Variants in ZMYND11 observed in about 807,000 individuals in gnomAD.
The protein encoded by ZMYND11 is zinc finger MYND-type containing 11, also known as zinc finger MYND domain-containing protein 11.
Under a neutral mutation model 84.9 loss-of-function variants are expected in ZMYND11, and 9 were observed. The observed-to-expected ratio is 0.11, with a 90% CI of 0.06 to 0.18. The LOEUF (loss-of-function observed/expected upper bound fraction) is 0.18. Ranked by LOEUF, ZMYND11 falls within the 10% of genes least tolerant of loss-of-function variation. The probability of loss-of-function intolerance (pLI) is 1.00; values close to 1 mark genes in which losing one functional copy is unlikely to be tolerated. For synonymous variants in ZMYND11, 250 were observed against 244.1 expected, an observed-to-expected ratio of 1.02 and a Z score of -0.23; for missense variants, 409 against 761.0, an observed-to-expected ratio of 0.54 and a Z score of 5.44.
chr10:236,565 TAA>T (rs1053000452), intron 4 of ZMYND11, among the ~76,000 whole-genome samples: 1 of 152,184 alleles, frequency 6.6e-6, no homozygotes, highest in Non-Finnish European at 1.5e-5. Flanking sequence ...ATCTAAAAAT[TAA>T]GTTTTAAAAT....
chr10:239,455 A>T lies in ZMYND11; in HGVS notation c.627A>T (p.Lys209Asn), dbSNP rs1401662051. ...PTIQEKVNEG[K>N]YRSYEEFKAD... ...CTCTGCAGAAAGTGAATGAAGGGAA[A>T]TACCGAAGTTATGAAGAGTTCAAAG... The change falls in exon 7 of 15, where the codon AAA (lysine) becomes AAT (asparagine). Residue 209 changes from lysine to asparagine, a missense_variant. This residue lies in a region of ZMYND11 where 59 missense variants were observed against 151.0 expected (regional missense o/e 0.39). Transcript: ENST00000381604. 6.2e-7 allele frequency: 1 copy of T among 1,613,604 alleles called. No homozygotes were observed. The highest frequency in any genetic ancestry group is 1.7e-5 in the Admixed American group (1 of 59,992).
chr10:181,757 A>G (rs1037939311), intron 2 of ZMYND11, among the ~76,000 whole-genome samples: 5 of 152,056 alleles, frequency 3.3e-5, no homozygotes, highest in Admixed American at 1.3e-4. Flanking sequence ...CCTTGCTCCT[A>G]TAAGATAGTA....
intron 2 of ZMYND11, among the ~76,000 whole-genome samples, chr10:206,764 T>C (rs1944244663): frequency 6.6e-6 from 1 of 152,172 alleles, no homozygotes; most frequent in Non-Finnish European, 1.5e-5. Flanking sequence ...TCTGTTTTTA[T>C]CACTTTATCA....
chr10:234,952 G>A (rs1949680824), intron 4 of ZMYND11, among the ~76,000 whole-genome samples: 1 of 151,186 alleles, frequency 6.6e-6, no homozygotes, highest in African/African-American at 2.4e-5. Flanking sequence ...GTGGTCTAGT[G>A]TACAAGAGGT....
In ZMYND11 at chr10:248,946, A is replaced by C; in HGVS notation, c.1544A>C (p.Lys515Thr). The change falls in exon 14 of 15, where the codon AAA becomes ACA. Residue 515 changes from lysine (K) to threonine (T), a missense_variant. By Grantham distance (78) the Lys-to-Thr change is moderately conservative (BLOSUM62 -1). Around this residue, in one of 7 missense-constraint regions of ZMYND11, gnomAD observed 141 missense variants for 173.8 expected, o/e 0.81. Coordinates refer to ENST00000381604, the MANE Select transcript of ZMYND11 (RefSeq NM_001370100.5). The stretch of plus-strand genomic sequence containing the variant: ...GAAGAAAAGAGACAAGCTGTAAATA[A>C]AGCTGTAGCCAACATGCAGGGTGAG... ...MEEEKRQAVN[K>T]AVANMQGEMD... 1.2e-6 allele frequency: 2 copies of C among 1,614,134 alleles called. No homozygotes were observed. Among genetic ancestry groups the C allele is most frequent in the Non-Finnish European group, 1.7e-6 (2 of 1,179,990 alleles).
At chr10:195,553 AAG>A (rs1237907851) in intron 2 of ZMYND11, among the ~76,000 whole-genome samples, 2 of 152,236 alleles carry the variant, frequency 1.3e-5, no homozygotes, top group Non-Finnish European at 2.9e-5. Flanking sequence ...AATATTAAGA[AAG>A]TAATCAAATT....
At chr10:207,996 A>G (rs1243534171) in intron 2 of ZMYND11, among the ~76,000 whole-genome samples, 3 of 152,182 alleles carry the variant, frequency 2.0e-5, no homozygotes, top group East Asian at 1.9e-4. Context: ...AATGCCGCAT[A>G]TCTACAACTA....
At chr10:207,649 A>G (rs1944428041) in intron 2 of ZMYND11, among the ~76,000 whole-genome samples, 1 of 152,204 alleles carries the variant, frequency 6.6e-6, no homozygotes, top group Non-Finnish European at 1.5e-5. Flanking sequence ...ATAAAAGAGG[A>G]TACAAACAAA....
chr10:207,016 G>A (rs971192471), intron 2 of ZMYND11, among the ~76,000 whole-genome samples: 2 of 152,042 alleles, frequency 1.3e-5, no homozygotes, highest in Middle Eastern at 3.2e-3. Flanking sequence ...AGTCCCCAGA[G>A]TGTGATGTTC....
At chr10:151,811 A>T (rs967958345) in intron 1 of ZMYND11, among the ~76,000 whole-genome samples, 1 of 152,168 alleles carries the variant, frequency 6.6e-6, no homozygotes, top group African/African-American at 2.4e-5. Flanking sequence ...AGGGCAGCCA[A>T]TGAGAAAGGT....
chr10:155,931 CA>C (rs1326720320), intron 1 of ZMYND11, among the ~76,000 whole-genome samples: 1 of 152,150 alleles, frequency 6.6e-6, no homozygotes, highest in Non-Finnish European at 1.5e-5. Context: ...AACCTATATA[CA>C]GTTACTGGGC....
intron 9 of ZMYND11, among the ~76,000 whole-genome samples, chr10:241,527 C>A (rs1025558994): frequency 1.3e-5 from 2 of 152,170 alleles, no homozygotes; most frequent in Admixed American, 1.3e-4. Context: ...CATCCTTTCA[C>A]AAGAGACCTA....
intron 1 of ZMYND11, among the ~76,000 whole-genome samples, chr10:153,737 C>T (rs1474018300): frequency 6.6e-6 from 1 of 152,164 alleles, no homozygotes; most frequent in Non-Finnish European, 1.5e-5. Flanking sequence ...CCCTGTGAGC[C>T]TCTGGTCACA....
chr10:179,637 A>G (rs1343155792), intron 1 of ZMYND11, among the ~76,000 whole-genome samples: 1 of 152,236 alleles, frequency 6.6e-6, no homozygotes, highest in Non-Finnish European at 1.5e-5. Flanking sequence ...TATTGATCAA[A>G]TTACAAACAA....
chr10:239,538 T>TGTG lies in ZMYND11; in HGVS notation c.697+15_697+16insGGT, dbSNP rs111466596. The TGTG allele has an allele frequency of 2.3e-5, 33 of 1,455,564 alleles. No homozygotes were observed. Among genetic ancestry groups the TGTG allele is most frequent in the South Asian group, 1.1e-4 (9 of 82,144 alleles). 90.2% of individuals were successfully genotyped at this position (1,455,564 alleles called of 1,614,324 possible). A position where few individuals can be genotyped will look rare whatever the true frequency, so the allele number is the denominator to read the frequency against. Reference sequence around the variant, plus strand: ...ATTTTCTATGGAGGTTGAATATTTTTGTTTTTTTTGTATGCATTTTTAAAC... The same window carrying TGTG: ...ATTTTCTATGGAGGTTGAATATTTTTGTGGTTTTTTTTGTATGCATTTTTAAAC... On this transcript the variant is annotated intron_variant, in intron 7 of 14. Transcript: ENST00000381604.
At chr10:160,948 ACTTTTTTTTTT>A (rs1554761590) in intron 1 of ZMYND11, among the ~76,000 whole-genome samples, 1 of 98,682 alleles carries the variant, frequency 1.0e-5, no homozygotes, top group African/African-American at 4.0e-5. Context: ...GAAATTACTT[ACTTTTTTTTTT>A]TTTTTTTTTT....
chr10:164,150 T>G (rs1554762971), intron 1 of ZMYND11, among the ~76,000 whole-genome samples: 1 of 152,156 alleles, frequency 6.6e-6, no homozygotes, highest in Non-Finnish European at 1.5e-5. Flanking sequence ...TATTGTAGCT[T>G]TAGATTCTGT....
intron 2 of ZMYND11, among the ~76,000 whole-genome samples, chr10:194,483 T>C (rs1440331324): frequency 6.6e-6 from 1 of 152,224 alleles, no homozygotes; most frequent in African/African-American, 2.4e-5. Flanking sequence ...ATGTTTAACT[T>C]TATTAGAAAT....
chr10:235,612 G>A (rs918948042), intron 4 of ZMYND11, among the ~76,000 whole-genome samples: 13 of 152,182 alleles, frequency 8.5e-5, no homozygotes, highest in African/African-American at 2.4e-4. Flanking sequence ...GCCCAGCCAC[G>A]TTGTATAAAA....
Sources: allele counts gnomAD v4.1 joint callset (sites outside exome capture counted in the v4.1 genomes callset), GRCh38; gene constraint gnomAD v4.1.1; regional missense constraint gnomAD v4.1.1; transcripts MANE v1.5; gene names NCBI Gene and HGNC (gene_info 2026-07-23, HGNC 2026-07-21).